Variants in GRIK2 observed in about 807,000 individuals in gnomAD.
GRIK2 encodes the protein glutamate ionotropic receptor kainate type subunit 2.
Under a neutral mutation model 100.3 loss-of-function variants are expected in GRIK2, and 32 were observed. That is an observed-to-expected ratio of 0.32 (90% CI 0.24 to 0.43). The LOEUF (loss-of-function observed/expected upper bound fraction) is 0.43. GRIK2 is among the 20% of genes least tolerant of loss of function. GRIK2 has a pLI of 1.00. For synonymous variants in GRIK2, 417 were observed against 389.4 expected (o/e 1.07, Z -0.83); for missense variants, 843 against 1,114.9 (o/e 0.76, Z 3.47).
chr6:101,727,587 C>T (rs971611777), intron 7 of GRIK2, among the ~76,000 whole-genome samples: 12 of 152,146 alleles, frequency 7.9e-5, no homozygotes, highest in African/African-American at 1.4e-4. Context: ...AACTTTTTAT[C>T]TTTTAATAAT....
At chr6:101,918,433 A>G (rs1177086220) in intron 12 of GRIK2, among the ~76,000 whole-genome samples, 1 of 151,562 alleles carries the variant, frequency 6.6e-6, no homozygotes, top group African/African-American at 2.4e-5. Context: ...TTTTTTTTCA[A>G]AAAATGGTAA....
At chr6:101,623,901 A>G (rs1301031562) in intron 3 of GRIK2, among the ~76,000 whole-genome samples, 1 of 152,108 alleles carries the variant, frequency 6.6e-6, no homozygotes, top group Non-Finnish European at 1.5e-5. Context: ...AATACATAAA[A>G]ACATAATATA....
chr6:101,720,722 G>A (rs1222962), intron 7 of GRIK2, among the ~76,000 whole-genome samples: 39,159 of 151,584 alleles, frequency 0.26, 6,989 homozygotes, highest in African/African-American at 0.49. Context: ...AATTTAAAAG[G>A]TCCTAGAAGG....
At chr6:101,973,686 T>C (rs937477531) in intron 14 of GRIK2, among the ~76,000 whole-genome samples, 7 of 151,922 alleles carry the variant, frequency 4.6e-5, no homozygotes, top group African/African-American at 1.4e-4. Context: ...TTGTCAAGTA[T>C]TGGGGGGAAA....
chr6:101,458,320 A>C (rs1165481953), intron 2 of GRIK2, among the ~76,000 whole-genome samples: 1 of 152,222 alleles, frequency 6.6e-6, no homozygotes, highest in Admixed American at 6.5e-5. Flanking sequence ...GCCATGAACC[A>C]ATCTCTTTTT....
At chr6:101,629,881 G>A (rs1780643485) in intron 4 of GRIK2, among the ~76,000 whole-genome samples, 2 of 151,922 alleles carry the variant, frequency 1.3e-5, no homozygotes, top group African/African-American at 4.8e-5. Context: ...CCCCACGCTT[G>A]TAGTCTCCAG....
At chr6:101,855,850 G>A (rs1344197259) in intron 10 of GRIK2, among the ~76,000 whole-genome samples, 1 of 152,068 alleles carries the variant, frequency 6.6e-6, no homozygotes, top group Non-Finnish European at 1.5e-5. Flanking sequence ...GAAAGTAAAA[G>A]ATGTAGTTAC....
intron 2 of GRIK2, among the ~76,000 whole-genome samples, chr6:101,411,629 G>T (rs12195965): frequency 0.26 from 39,871 of 151,906 alleles, 5,290 homozygotes; most frequent in African/African-American, 0.33. Context: ...TTCGGAATTA[G>T]CAGTTGATAA....
intron 11 of GRIK2, among the ~76,000 whole-genome samples, chr6:101,872,389 G>T (rs975102025): frequency 1.3e-5 from 2 of 151,774 alleles, no homozygotes; most frequent in African/African-American, 4.8e-5. Context: ...TCTTCACATG[G>T]CAGCAGCAGG....
chr6:101,485,727 G>C (rs2128263831), intron 2 of GRIK2, among the ~76,000 whole-genome samples: 1 of 152,086 alleles, frequency 6.6e-6, no homozygotes, highest in East Asian at 1.9e-4. Context: ...TAAAATGAAA[G>C]TCTTTAATAT....
chr6:101,828,573 A>T (rs1782481103), intron 10 of GRIK2, among the ~76,000 whole-genome samples: 2 of 151,908 alleles, frequency 1.3e-5, no homozygotes, highest in Admixed American at 1.3e-4. Flanking sequence ...AGCACAACTG[A>T]ACACAACATA....
chr6:101,665,963 A>G (rs1259357894), intron 4 of GRIK2, among the ~76,000 whole-genome samples: 1 of 152,156 alleles, frequency 6.6e-6, no homozygotes, highest in Non-Finnish European at 1.5e-5. Flanking sequence ...TGTAGTATCT[A>G]TTAATCATCA....
chr6:101,780,441 T>C (rs2128401582), intron 7 of GRIK2, among the ~76,000 whole-genome samples: 1 of 152,306 alleles, frequency 6.6e-6, no homozygotes. Context: ...ATCTTCAGTT[T>C]CCTGCTCTCA....
intron 10 of GRIK2, among the ~76,000 whole-genome samples, chr6:101,840,982 A>G (rs1339436317): frequency 6.6e-6 from 1 of 151,026 alleles, no homozygotes; most frequent in Non-Finnish European, 1.5e-5. Flanking sequence ...ATTATAGCCA[A>G]AGGCACTAAA....
intron 14 of GRIK2, among the ~76,000 whole-genome samples, chr6:101,997,805 T>C (rs906251978): frequency 6.6e-6 from 1 of 152,076 alleles, no homozygotes; most frequent in African/African-American, 2.4e-5. Flanking sequence ...GTAGGATATT[T>C]AATATTGACT....
intron 2 of GRIK2, among the ~76,000 whole-genome samples, chr6:101,405,431 A>G (rs991329224): frequency 6.6e-6 from 1 of 152,022 alleles, no homozygotes; most frequent in Non-Finnish European, 1.5e-5. Context: ...GTAAGTGTTG[A>G]TGATAAATTC....
intron 14 of GRIK2, among the ~76,000 whole-genome samples, chr6:102,011,189 A>C (rs1795512703): frequency 6.6e-6 from 1 of 152,192 alleles, no homozygotes; most frequent in Non-Finnish European, 1.5e-5. Flanking sequence ...TTGTTGTTCC[A>C]GATTCTTACT....
At chr6:101,999,187 T>A (rs1794804695) in intron 14 of GRIK2, among the ~76,000 whole-genome samples, 1 of 152,122 alleles carries the variant, frequency 6.6e-6, no homozygotes, top group African/African-American at 2.4e-5. Flanking sequence ...CCTTCAACTT[T>A]TTTTCTTTTT....
chr6:101,460,652 G>T (rs1365687515), intron 2 of GRIK2, among the ~76,000 whole-genome samples: 1 of 152,120 alleles, frequency 6.6e-6, no homozygotes, highest in East Asian at 1.9e-4. Flanking sequence ...GGAGAAATTT[G>T]CATTCAATCT....
Sources: gnomAD v4.1 joint callset for allele counts (sites outside exome capture counted in the v4.1 genomes callset) on GRCh38, gnomAD v4.1.1 for gene constraint, MANE v1.5 for transcripts, NCBI Gene and HGNC (gene_info 2026-07-23, HGNC 2026-07-21) for gene names.